Variants in TTC24 observed in about 807,000 individuals in gnomAD.
TTC24 encodes tetratricopeptide repeat domain 24, also known as tetratricopeptide repeat protein 24.
In TTC24, 54 loss-of-function variants were observed where a neutral mutation model predicts 63.3. The observed-to-expected ratio is 0.85, with a 90% CI of 0.69 to 1.07. TTC24 has a LOEUF of 1.07. Ranked by LOEUF, TTC24 falls within the 50% of genes least tolerant of loss-of-function variation. The pLI is 0.00. For missense variants in TTC24, 680 were observed against 730.5 expected (o/e 0.93, Z 0.80); for synonymous variants, 276 against 304.3 (o/e 0.91, Z 0.97).
intron 2 of TTC24, 53 bp downstream of exon 2, chr1:156,582,123 T>A (rs1677016200): frequency 1.4e-6 from 2 of 1,462,812 alleles, no homozygotes; most frequent in Admixed American, 2.7e-5. Flanking sequence ...CAGAGCCTGA[T>A]GATACTCAGA....
chr1:156,582,967 G>C (rs1361809261), intron 3 of TTC24, 75 bp from the exon 4 acceptor site: 13 of 1,544,438 alleles, frequency 8.4e-6, no homozygotes, highest in Non-Finnish European at 1.0e-5. Flanking sequence ...GGTCTGTCTT[G>C]GTTGCTGGAG....
At chr1:156,582,925 T>C in intron 3 of TTC24, 117 bp from the exon 4 acceptor site, 1 of 1,298,170 alleles carries the variant, frequency 7.7e-7, no homozygotes, top group Non-Finnish European at 1.1e-6. Context: ...GCATCTGGAG[T>C]GTTCTGGGGC....
intron 6 of TTC24, 123 bp downstream of exon 6, chr1:156,584,018 C>G (rs1677081822): frequency 1.3e-6 from 1 of 775,146 alleles, no homozygotes; most frequent in African/African-American, 1.7e-5. Context: ...CTGTGTTCAT[C>G]CGCCTTGAGC....
chr1:156,582,998 G>A (rs773466925), intron 3 of TTC24, 44 bp from the exon 4 acceptor site: 1 of 1,572,230 alleles, frequency 6.4e-7, no homozygotes, highest in South Asian at 1.2e-5. Context: ...TGATGTCCCA[G>A]CAGCCAGAGT....
At position 156,583,248 on chromosome 1, in the gene TTC24, G is replaced by A; in HGVS notation, c.1039+78G>A. On this transcript the variant is annotated intron_variant, in intron 4 of 10. Coordinates refer to ENST00000368236, the MANE Select transcript of TTC24 (RefSeq NM_001105669.4). This position sits in a 1 kb window ranked among gnomAD's most constrained non-coding sequence, Gnocchi z 4.0. Reference sequence around the variant, plus strand: ...CTAGGGGCTGGCGGGGAGGCAGATGGGGGGAACTGAGGGTAGGGAGTGCCT... The same window carrying A: ...CTAGGGGCTGGCGGGGAGGCAGATGAGGGGAACTGAGGGTAGGGAGTGCCT... 1.2e-6 allele frequency: 2 copies of A among 1,609,872 alleles called. No homozygotes were observed. Among genetic ancestry groups the A allele is most frequent in the East Asian group, 2.2e-5 (1 of 44,834 alleles).
At position 156,587,627 on chromosome 1, in the gene TTC24, G is replaced by A. The variant is rs894116981; in HGVS notation, c.*1077G>A. 1.3e-5 allele frequency among the ~76,000 whole-genome samples: 2 copies of A among 152,014 alleles called. No homozygotes were observed. The highest frequency in any genetic ancestry group is 4.8e-5 in the African/African-American group (2 of 41,370). On this transcript the variant is annotated 3_prime_UTR_variant, in exon 11 of 11. Coordinates refer to ENST00000368236, the MANE Select transcript of TTC24 (RefSeq NM_001105669.4). ...AAGGTGGGAGGATTGCTTGAGCCCA[G>A]GAGTTTGAGACCACCCTGGGCAACA...
At position 156,585,744 on chromosome 1, in the gene TTC24, G is replaced by T; in HGVS notation, c.1488G>T (p.Ser496=). 6.2e-7 allele frequency: 1 copy of T among 1,613,792 alleles called. No homozygotes were observed. The highest frequency in any genetic ancestry group is 8.5e-7 in the Non-Finnish European group (1 of 1,179,800). The change falls in exon 9 of 11, where the codon TCG becomes TCT. Residue 496 remains serine, a synonymous_variant. Transcript: ENST00000368236. ...LCFLPGTVNH[S]HHLASSCPTF... ...TCCTTCCAGGCACAGTGAATCATTC[G>T]CACCATCTAGCTTCTAGTTGCCCCA...
Position 156,585,718 on chromosome 1 carries a change from T to G in TTC24, c.1462T>G (p.Phe488Val). The change falls in exon 9 of 11, where the codon TTC (phenylalanine) becomes GTC (valine). Residue 488 changes from phenylalanine (F) to valine (V), a missense_variant. Physicochemically the swap from Phe to Val is conservative, Grantham distance 50. Coordinates refer to ENST00000368236, the MANE Select transcript of TTC24 (RefSeq NM_001105669.4). ...TACCGATGTCTCCTTTTCAGTGTGT[T>G]TCCTTCCAGGCACAGTGAATCATTC... Reference protein sequence around the residue: ...RAGPGRPELCFLPGTVNHSHH... With the variant: ...RAGPGRPELCVLPGTVNHSHH... 1 of 1,612,534 alleles carries G rather than the reference T, an allele frequency of 6.2e-7. No homozygotes were observed. The highest frequency in any genetic ancestry group is 8.5e-7 in the Non-Finnish European group (1 of 1,178,574).
At position 156,583,563 on chromosome 1, in the gene TTC24, A is replaced by T; in HGVS notation, c.1152+113A>T. 2 of 908,408 alleles carry T rather than the reference A, an allele frequency of 2.2e-6. No homozygotes were observed. The highest frequency in any genetic ancestry group is 3.4e-6 in the Non-Finnish European group (2 of 594,782). The allele number at this position is 908,408 out of a possible 1,614,324, so 56.3% of individuals were successfully genotyped here. A position where few individuals can be genotyped will look rare whatever the true frequency, so the allele number is the denominator to read the frequency against. ...TCACTCACTCAATCAGCAAACATGC[A>T]CTGGACACACTGTGTGCTAGGTCTT... On this transcript the variant is annotated intron_variant, in intron 5 of 10. Transcript: ENST00000368236. The surrounding 1 kb of genome is among the most constrained non-coding windows in gnomAD (Gnocchi z 4.0).
At chr1:156,580,305 T>C (rs764880612) in intron 1 of TTC24, among the ~76,000 whole-genome samples, 1 of 152,274 alleles carries the variant, frequency 6.6e-6, no homozygotes, top group East Asian at 1.9e-4. Context: ...CAGTGCCTAG[T>C]GTGGTTCCTA....
Position 156,586,601 on chromosome 1 carries a change from C to T in TTC24, c.*51C>T. On this transcript the variant is annotated 3_prime_UTR_variant, in exon 11 of 11. Coordinates refer to ENST00000368236, the MANE Select transcript of TTC24 (RefSeq NM_001105669.4). Reference sequence around the variant, plus strand: ...ATCCCTGAAGCACCTGTCCAACACGCACACACTAGGGGGTCCTGGGGACCA... The same window carrying T: ...ATCCCTGAAGCACCTGTCCAACACGTACACACTAGGGGGTCCTGGGGACCA... The T allele has an allele frequency of 1.3e-6, 2 of 1,524,164 alleles. No individual in the cohort carries two copies. Among genetic ancestry groups the T allele is most frequent in the South Asian group, 1.2e-5 (1 of 86,246 alleles). 94.4% of individuals were successfully genotyped at this position (1,524,164 alleles called of 1,614,324 possible).
intron 6 of TTC24, 107 bp downstream of exon 6, chr1:156,584,002 G>A: frequency 4.3e-6 from 4 of 923,966 alleles, no homozygotes; most frequent in Non-Finnish European, 6.8e-6. Context: ...GCGCTTGGCC[G>A]CTCATCTGTG....
intron 10 of TTC24, among the ~76,000 whole-genome samples, 182 bp downstream of exon 10, chr1:156,586,227 C>T (rs1323806286): frequency 6.6e-6 from 1 of 152,322 alleles, no homozygotes; most frequent in East Asian, 1.9e-4. Flanking sequence ...GAACAACCCT[C>T]ACCCGGCTCT....
intron 3 of TTC24, 74 bp downstream of exon 3, chr1:156,582,508 T>G: frequency 7.2e-7 from 1 of 1,384,444 alleles, no homozygotes. Context: ...GCCCAAGGCT[T>G]AAGGGTGGAT....
intron 9 of TTC24, 22 bp downstream of exon 9, chr1:156,585,848 A>G (rs1024695681): frequency 6.3e-7 from 1 of 1,597,448 alleles, no homozygotes; most frequent in African/African-American, 1.3e-5. Flanking sequence ...ATCCCCTGAC[A>G]CCGCCCCAAC....
chr1:156,580,459 A>C (rs898925660), intron 1 of TTC24, among the ~76,000 whole-genome samples: 1 of 152,048 alleles, frequency 6.6e-6, no homozygotes, highest in African/African-American at 2.4e-5. Flanking sequence ...GAGGCCCTGC[A>C]TATGCGGTTC....
chr1:156,584,751 G>A (rs542247770), intron 6 of TTC24, 126 bp from the exon 7 acceptor site: 2 of 581,842 alleles, frequency 3.4e-6, no homozygotes, highest in Non-Finnish European at 5.9e-6. Context: ...CCCCAGAATT[G>A]TATTCTCCGA....
In TTC24 at chr1:156,586,024, C is replaced by T. The variant is rs780657367; in HGVS notation, c.1646C>T (p.Pro549Leu). 7.5e-5 allele frequency: 119 copies of T among 1,577,120 alleles called. No homozygotes were observed. Among genetic ancestry groups the T allele is most frequent in the Non-Finnish European group, 1.0e-4 (116 of 1,161,192 alleles). Residue 549 changes from proline (P) to leucine (L), a missense_variant, in exon 10 of 11, where the codon CCC (proline) becomes CTC (leucine). Physicochemically the swap from Pro to Leu is moderately conservative, Grantham distance 98. Transcript: ENST00000368236. ...PRAEYPSILV[P>L]NGPQANRSSR... Reference sequence around the variant, plus strand: ...GCGGAGTACCCTAGCATCTTGGTACCCAATGGCCCTCAAGCCAATAGGTGG... The same window carrying T: ...GCGGAGTACCCTAGCATCTTGGTACTCAATGGCCCTCAAGCCAATAGGTGG...
In TTC24 at chr1:156,583,939, T is replaced by C. The variant is rs1460228003; in HGVS notation, c.1251+44T>C. 13 of 1,506,572 alleles carry C rather than the reference T, an allele frequency of 8.6e-6. No homozygotes were observed. Among genetic ancestry groups the C allele is most frequent in the Non-Finnish European group, 1.2e-5 (13 of 1,106,184 alleles). 93.3% of individuals were successfully genotyped at this position (1,506,572 alleles called of 1,614,324 possible). The stretch of plus-strand genomic sequence containing the variant: ...CAAGGAGATGGGGGTGGAGAGAGGT[T>C]ACCCAGAGAAGGGGTTGGTGGTAAG... On this transcript the variant is annotated intron_variant, in intron 6 of 10. Transcript: ENST00000368236. The surrounding 1 kb of genome is among the most constrained non-coding windows in gnomAD (Gnocchi z 4.0).
Sources: gnomAD v4.1 joint callset for allele counts (sites outside exome capture counted in the v4.1 genomes callset) on GRCh38, gnomAD v4.1.1 for gene constraint, Gnocchi (gnomAD v3.1) non-coding constraint, MANE v1.5 for transcripts, NCBI Gene and HGNC (gene_info 2026-07-23, HGNC 2026-07-21) for gene names.